Variants in FRMPD3 observed in about 807,000 individuals in gnomAD.
FRMPD3 encodes FERM and PDZ domain-containing protein 3.
FRMPD3 carries 42 observed loss-of-function variants against 97.9 expected under a neutral mutation model. The ratio of observed to expected loss-of-function variants is 0.43; its 90% confidence interval spans 0.34 to 0.55. The LOEUF is 0.55. Among genes scored for constraint, FRMPD3 ranks in the 20% least tolerant of loss-of-function variants. FRMPD3 has a pLI of 0.03. For synonymous variants in FRMPD3, 577 were observed against 581.1 expected (o/e 0.99, Z 0.10); for missense variants, 1,303 against 1,457.7 (o/e 0.89, Z 1.73).
intron 13 of FRMPD3, among the ~76,000 whole-genome samples, chrX:107,583,646 T>C (rs1471390629): frequency 9.0e-6 from 1 of 111,665 alleles, no homozygotes; most frequent in East Asian, 2.8e-4. Context: ...TGGTTCCAGA[T>C]CCTTGAGGAA....
intron 1 of FRMPD3, among the ~76,000 whole-genome samples, chrX:107,514,677 C>A (rs1308743856): frequency 9.1e-6 from 1 of 109,814 alleles, no homozygotes; most frequent in African/African-American, 3.3e-5. Flanking sequence ...AGGTGCGTGC[C>A]ACCACGCTCA....
Position 107,603,406 on chromosome X carries a change from C to G in FRMPD3, c.*33C>G, listed in dbSNP as rs1276061573. 8.9e-7 allele frequency: 1 copy of G among 1,123,345 alleles called. No homozygotes were observed. Among genetic ancestry groups the G allele is most frequent in the Non-Finnish European group, 1.2e-6 (1 of 850,746 alleles). 92.6% of individuals were successfully genotyped at this position (1,123,345 alleles called of 1,213,427 possible). A position where few individuals can be genotyped will look rare whatever the true frequency, so the allele number is the denominator to read the frequency against. Reference sequence around the variant, plus strand: ...GCCCACACCTGTCCCCCTTCCCCAACCATGGCCCCAGGTTTGAGCTTTGTG... The same window carrying G: ...GCCCACACCTGTCCCCCTTCCCCAAGCATGGCCCCAGGTTTGAGCTTTGTG... On this transcript the variant is annotated 3_prime_UTR_variant, in exon 15 of 15. Coordinates refer to ENST00000683843, the MANE Select transcript of FRMPD3 (RefSeq NM_001388459.1).
chrX:107,520,494 A>G (rs1922472112), intron 1 of FRMPD3, among the ~76,000 whole-genome samples: 1 of 109,001 alleles, frequency 9.2e-6, no homozygotes. Context: ...ACAAAAAAAA[A>G]AAAACACACA....
intron 1 of FRMPD3, among the ~76,000 whole-genome samples, chrX:107,470,612 T>C (rs1921031960): frequency 8.9e-6 from 1 of 112,361 alleles, no homozygotes; most frequent in Non-Finnish European, 1.9e-5. Context: ...CCATATTCTA[T>C]TCATTAGAAG....
chrX:107,603,022 C>T lies in FRMPD3; in HGVS notation c.4983C>T (p.Gly1661=), dbSNP rs751192791. ...SPTHMLAAIT[G]SFQVLSSLIE... ...CTCACATGCTGGCAGCCATCACGGG[C>T]AGCTTCCAGGTGCTGAGCAGCCTCA... The change falls in exon 15 of 15, where the codon GGC becomes GGT. Residue 1661 remains glycine, a synonymous_variant. Transcript: ENST00000683843. The T allele has an allele frequency of 4.8e-5, 58 of 1,210,021 alleles. 2 individuals carry two copies. The South Asian group carries it at 9.8e-4, about 21-fold the overall frequency.
intron 1 of FRMPD3, among the ~76,000 whole-genome samples, chrX:107,458,734 A>G (rs746809712): frequency 8.1e-5 from 9 of 111,716 alleles, no homozygotes; most frequent in Non-Finnish European, 1.5e-4. Context: ...CTGTCGGACA[A>G]TTATGCATAG....
At chrX:107,588,428 A>AT (rs1923759851) in intron 13 of FRMPD3, among the ~76,000 whole-genome samples, 1 of 110,120 alleles carries the variant, frequency 9.1e-6, no homozygotes, top group African/African-American at 3.3e-5. Flanking sequence ...CTAATTTTGT[A>AT]TTTTTAGTAG....
chrX:107,464,989 A>G (rs1931533296), intron 1 of FRMPD3, among the ~76,000 whole-genome samples: 1 of 112,081 alleles, frequency 8.9e-6, no homozygotes, highest in African/African-American at 3.2e-5. Flanking sequence ...GTTCATGCAC[A>G]TATATGGGAG....
chrX:107,602,549 G>A lies in FRMPD3; in HGVS notation c.4510G>A (p.Asp1504Asn). The change falls in exon 15 of 15, where the codon GAC becomes AAC. Residue 1504 changes from aspartate (D) to asparagine (N), a missense_variant. By Grantham distance (23) the Asp-to-Asn change is conservative (BLOSUM62 1). Coordinates refer to ENST00000683843, the MANE Select transcript of FRMPD3 (RefSeq NM_001388459.1). ...CTACTGCTTCTACTACCGCAAGTGTGACATGGCAGATGATGCCAGTGATGG... is the reference window on the plus strand; with the variant it reads ...CTACTGCTTCTACTACCGCAAGTGTAACATGGCAGATGATGCCAGTGATGG... ...IRYCFYYRKC[D>N]MADDASDGKD... 8.3e-7 allele frequency: 1 copy of A among 1,211,685 alleles called. No individual in the cohort carries two copies.
At chrX:107,480,890 AGG>A (rs1921335285) in intron 1 of FRMPD3, among the ~76,000 whole-genome samples, 7 of 69,260 alleles carry the variant, frequency 1.0e-4, no homozygotes, top group South Asian at 1.8e-3. Flanking sequence ...GAAGGAAGGA[AGG>A]AAGGAAAGAA....
At chrX:107,450,053 A>G in intron 1 of FRMPD3, among the ~76,000 whole-genome samples, 48 bp downstream of exon 1, 1 of 110,280 alleles carries the variant, frequency 9.1e-6, no homozygotes, top group Non-Finnish European at 1.9e-5. Context: ...GTCTCAGCCC[A>G]ACCGGGGGTG....
chrX:107,491,666 G>A (rs1025371935), intron 1 of FRMPD3, among the ~76,000 whole-genome samples: 2 of 112,132 alleles, frequency 1.8e-5, no homozygotes, highest in Admixed American at 9.4e-5. Context: ...GGACCCATCT[G>A]CTAACTGGAT....
intron 1 of FRMPD3, among the ~76,000 whole-genome samples, chrX:107,500,866 G>C (rs1358042614): frequency 2.8e-5 from 3 of 109,056 alleles, no homozygotes; most frequent in Non-Finnish European, 5.7e-5. Context: ...GATTAAATGA[G>C]GTACTATAAC....
At position 107,545,821 on chromosome X, in the gene FRMPD3, G is replaced by A. The variant is rs771738538; in HGVS notation, c.382G>A (p.Ala128Thr). The A allele has an allele frequency of 9.1e-6, 11 of 1,207,549 alleles. No individual in the cohort carries two copies. Among genetic ancestry groups the A allele is most frequent in the South Asian group, 8.8e-5 (5 of 56,825 alleles). Reference sequence around the variant, plus strand: ...GAAGGTTCGATTTTCTGAGCAGGTGGCAGTTGGAGAAACAGATGCAGTAAG... The same window carrying A: ...GAAGGTTCGATTTTCTGAGCAGGTGACAGTTGGAGAAACAGATGCAGTAAG... The part of the protein sequence containing the change: ...PVKVRFSEQV[A>T]VGETDAKMMK... Residue 128 changes from alanine to threonine, a missense_variant, in exon 5 of 15, where the codon GCA becomes ACA. Physicochemically the swap from Ala to Thr is moderately conservative, Grantham distance 58. Transcript: ENST00000683843.
chrX:107,551,817 G>C (rs1219385922), intron 6 of FRMPD3, among the ~76,000 whole-genome samples: 6 of 112,542 alleles, frequency 5.3e-5, no homozygotes, highest in Non-Finnish European at 1.1e-4. Context: ...CAGCAACACT[G>C]GCGCCTCTGT....
chrX:107,460,368 T>C (rs1166530233), intron 1 of FRMPD3, among the ~76,000 whole-genome samples: 1 of 110,678 alleles, frequency 9.0e-6, no homozygotes, highest in Non-Finnish European at 1.9e-5. Context: ...CCCAAGCAAG[T>C]TGGTTTCAGA....
intron 1 of FRMPD3, among the ~76,000 whole-genome samples, chrX:107,459,344 G>A (rs1405161207): frequency 8.9e-6 from 1 of 112,404 alleles, no homozygotes; most frequent in East Asian, 2.8e-4. Flanking sequence ...GAGCACTTGG[G>A]AATCATCTCA....
intron 13 of FRMPD3, among the ~76,000 whole-genome samples, chrX:107,579,775 A>G (rs1923298235): frequency 9.0e-6 from 1 of 111,321 alleles, no homozygotes; most frequent in Admixed American, 9.6e-5. Flanking sequence ...GGGGTAATCC[A>G]GGAAAAAAAG....
chrX:107,537,407 CT>C (rs2147561806), intron 4 of FRMPD3, among the ~76,000 whole-genome samples: 1 of 111,968 alleles, frequency 8.9e-6, no homozygotes, highest in East Asian at 2.8e-4. Flanking sequence ...CCTCACAGAG[CT>C]TACATTCTAG....
Sources: allele counts gnomAD v4.1 joint callset (sites outside exome capture counted in the v4.1 genomes callset), GRCh38; gene constraint gnomAD v4.1.1; transcripts MANE v1.5; gene names NCBI Gene and HGNC (gene_info 2026-07-23, HGNC 2026-07-21).